Variants in STRN3 observed in about 807,000 individuals in gnomAD.
The protein encoded by STRN3 is striatin 3, also known as striatin-3.
In STRN3, 29 loss-of-function variants were observed where a neutral mutation model predicts 95.6. The observed-to-expected ratio is 0.30, with a 90% CI of 0.23 to 0.41. The LOEUF (loss-of-function observed/expected upper bound fraction) is 0.41, where lower values mean the gene tolerates loss of function less well. Among genes scored for constraint, STRN3 ranks in the 10% least tolerant of loss-of-function variants. The pLI, the probability that STRN3 is intolerant of heterozygous loss-of-function variation, is 1.00. For missense variants in STRN3, 890 were observed against 972.1 expected (o/e 0.92, Z 1.12); for synonymous variants, 331 against 357.6 (o/e 0.93, Z 0.84).
intron 1 of STRN3, among the ~76,000 whole-genome samples, chr14:30,991,691 G>C (rs1318907610): frequency 6.6e-6 from 1 of 152,110 alleles, no homozygotes; most frequent in Non-Finnish European, 1.5e-5. Flanking sequence ...ACTTTATTTT[G>C]AGTGTGTGTT....
Position 30,929,287 on chromosome 14 carries a change from G to A in STRN3, c.1013C>T (p.Ala338Val), listed in dbSNP as rs1878358142. 2.5e-6 allele frequency: 4 copies of A among 1,613,276 alleles called. No homozygotes were observed. Among genetic ancestry groups the A allele is most frequent in the Middle Eastern group, 1.6e-4 (1 of 6,078 alleles). The change falls in exon 8 of 18, where the codon GCT becomes GTT. Residue 338 changes from alanine (A) to valine (V), a missense_variant. Ala to Val is a moderately conservative substitution (Grantham distance 64, BLOSUM62 0). Around this residue, in one of 3 missense-constraint regions of STRN3, gnomAD observed 526 missense variants for 526.3 expected, o/e 1.00. Coordinates refer to ENST00000357479, the MANE Select transcript of STRN3 (RefSeq NM_001083893.2). ...TCCCTGGTCTACATCCCAAACCTCA[G>A]CAGTTGGGGAGAGGTCATCTTTATC... Reference protein sequence around the residue: ...EWDKDDLSPTAEVWDVDQGLI... With the variant: ...EWDKDDLSPTVEVWDVDQGLI...
chr14:30,967,242 G>GA (rs1321757452), intron 1 of STRN3, among the ~76,000 whole-genome samples: 114 of 142,170 alleles, frequency 8.0e-4, no homozygotes, highest in African/African-American at 2.8e-3. Flanking sequence ...GGGGCAGGGT[G>GA]GGGGGGAAGA....
At chr14:30,936,406 C>A in intron 6 of STRN3, 89 bp downstream of exon 6, 1 of 1,398,330 alleles carries the variant, frequency 7.2e-7, no homozygotes. Flanking sequence ...GATGATCAAT[C>A]ACTCCCAATG....
chr14:30,950,196 A>C (rs1473107580), intron 4 of STRN3, among the ~76,000 whole-genome samples: 1 of 152,194 alleles, frequency 6.6e-6, no homozygotes, highest in African/African-American at 2.4e-5. Context: ...AGGGCAAATA[A>C]CACAGTGGTC....
At chr14:31,023,896 AAG>A (rs1594602045) in intron 1 of STRN3, among the ~76,000 whole-genome samples, 1 of 152,092 alleles carries the variant, frequency 6.6e-6, no homozygotes, top group Non-Finnish European at 1.5e-5. Flanking sequence ...TGAAATAAAA[AAG>A]AGTCTAGAAA....
intron 1 of STRN3, chr14:30,964,607 G>A: frequency 6.4e-6 from 1 of 157,430 alleles, no homozygotes. Flanking sequence ...AGAATTATGG[G>A]CAAAACCTAA....
At chr14:30,979,760 C>T (rs1453508866) in intron 1 of STRN3, among the ~76,000 whole-genome samples, 3 of 151,830 alleles carry the variant, frequency 2.0e-5, no homozygotes, top group Admixed American at 6.6e-5. Flanking sequence ...CCACCACACC[C>T]GGCTAATTTT....
rs1555319831 is a variant in STRN3, at chr14:30,950,917, G to A, written c.488C>T (p.Thr163Ile). Residue 163 changes from threonine to isoleucine, a missense_variant, in exon 4 of 18, where the codon ACA becomes ATA. Transcript: ENST00000357479. ...SEETKDTEAP[T>I]APQNSQLTWK... ...CGTTAACTGGCTATTCTGAGGTGCTGTGGGAGCCTCTGTGTCTTTGGTTTC... is the reference window on the plus strand; with the variant it reads ...CGTTAACTGGCTATTCTGAGGTGCTATGGGAGCCTCTGTGTCTTTGGTTTC... 1.9e-6 allele frequency: 3 copies of A among 1,613,764 alleles called. No individual in the cohort carries two copies. The highest frequency in any genetic ancestry group is 8.5e-7 in the Non-Finnish European group (1 of 1,179,910).
At chr14:31,002,508 T>G (rs899550193) in intron 1 of STRN3, among the ~76,000 whole-genome samples, 1 of 145,982 alleles carries the variant, frequency 6.9e-6, no homozygotes, top group African/African-American at 2.5e-5. Flanking sequence ...CTGGTCACAG[T>G]GGCGGGCGCC....
chr14:30,990,040 G>GA (rs1881879268), intron 1 of STRN3, among the ~76,000 whole-genome samples: 3 of 39,074 alleles, frequency 7.7e-5, no homozygotes, highest in African/African-American at 2.0e-4. Context: ...ATAAACTCAG[G>GA]AAAGAGGGAC....
chr14:30,995,810 C>A (rs1882168709), intron 1 of STRN3, among the ~76,000 whole-genome samples: 1 of 152,146 alleles, frequency 6.6e-6, no homozygotes, highest in East Asian at 1.9e-4. Flanking sequence ...ATGTAGCAGA[C>A]ACTGATGTGC....
chr14:30,966,723 G>A (rs1414409315), intron 1 of STRN3, among the ~76,000 whole-genome samples: 1 of 152,154 alleles, frequency 6.6e-6, no homozygotes, highest in Non-Finnish European at 1.5e-5. Context: ...CCTGCTTGCG[G>A]TGTTGTGTGG....
At chr14:30,919,197 C>CTA in intron 8 of STRN3, 91 bp from the exon 9 acceptor site, 1 of 1,305,424 alleles carries the variant, frequency 7.7e-7, no homozygotes, top group East Asian at 2.6e-5. Context: ...ACAAAACAGA[C>CTA]TATTAAGAAG....
chr14:30,968,345 A>G (rs1459143124), intron 1 of STRN3, among the ~76,000 whole-genome samples: 3 of 149,988 alleles, frequency 2.0e-5, no homozygotes, highest in African/African-American at 7.4e-5. Flanking sequence ...AAAGAACGTT[A>G]TATGGTAAAT....
chr14:31,002,738 A>T (rs758000718), intron 1 of STRN3, among the ~76,000 whole-genome samples: 2 of 152,172 alleles, frequency 1.3e-5, no homozygotes, highest in African/African-American at 2.4e-5. Context: ...CAGTCACAAA[A>T]AGGCATTTGT....
intron 3 of STRN3, among the ~76,000 whole-genome samples, 159 bp downstream of exon 3, chr14:30,955,460 AC>A (rs1879853367): frequency 6.6e-6 from 1 of 152,164 alleles, no homozygotes; most frequent in Non-Finnish European, 1.5e-5. Context: ...TGTATATGAA[AC>A]TATTTACTTT....
rs371343611 is a variant in STRN3 at position 30,950,966 on chromosome 14, G to C, written c.461-22C>G. 8.9e-5 allele frequency: 141 copies of C among 1,592,602 alleles called. No individual in the cohort carries two copies. The African/African-American group carries it at 1.3e-3, about 15-fold the overall frequency. On this transcript the variant is annotated intron_variant, in intron 3 of 17. Coordinates refer to ENST00000357479, the MANE Select transcript of STRN3 (RefSeq NM_001083893.2). Reference sequence around the variant, plus strand: ...TCTTCTAAAAATTAAGAAAAAAAAAGTTTTACATACTTTATTTCGACTCCT... The same window carrying C: ...TCTTCTAAAAATTAAGAAAAAAAAACTTTTACATACTTTATTTCGACTCCT...
intron 1 of STRN3, among the ~76,000 whole-genome samples, chr14:30,997,005 A>C (rs1474565877): frequency 6.6e-6 from 1 of 152,226 alleles, no homozygotes; most frequent in Non-Finnish European, 1.5e-5. Flanking sequence ...GGCGAAAGTA[A>C]TAGACAATAA....
intron 1 of STRN3, among the ~76,000 whole-genome samples, chr14:30,984,998 G>A (rs1159975431): frequency 1.3e-5 from 2 of 151,920 alleles, no homozygotes; most frequent in Non-Finnish European, 2.9e-5. Context: ...ATGTAATTGC[G>A]GAATACTTTT....
Sources: allele counts gnomAD v4.1 joint callset (sites outside exome capture counted in the v4.1 genomes callset), GRCh38; gene constraint gnomAD v4.1.1; regional missense constraint gnomAD v4.1.1; transcripts MANE v1.5; gene names NCBI Gene and HGNC (gene_info 2026-07-23, HGNC 2026-07-21).